Variants in ZNF804B observed in about 807,000 individuals in gnomAD.
ZNF804B encodes zinc finger protein 804B, also known as zinc finger 804B.
ZNF804B carries 80 observed loss-of-function variants against 101.4 expected under a neutral mutation model. The ratio of observed to expected loss-of-function variants is 0.79; its 90% CI spans 0.66 to 0.95. ZNF804B has a LOEUF of 0.95. Among genes scored for constraint, ZNF804B ranks in the 40% least tolerant of loss-of-function variants. The pLI, the probability that ZNF804B is intolerant of heterozygous loss-of-function variation, is 0.00. For synonymous variants in ZNF804B, 622 were observed against 558.8 expected, an observed-to-expected ratio of 1.11 and a Z score of -1.59; for missense variants, 1,673 against 1,561.9, an observed-to-expected ratio of 1.07 and a Z score of -1.20.
chr7:89,046,146 C>T (rs1296857578), intron 1 of ZNF804B, among the ~76,000 whole-genome samples: 1 of 151,608 alleles, frequency 6.6e-6, no homozygotes, highest in Non-Finnish European at 1.5e-5. Flanking sequence ...CTTCTCCTTC[C>T]TGCCATCATG....
intron 1 of ZNF804B, among the ~76,000 whole-genome samples, chr7:89,197,539 T>G (rs1028471450): frequency 1.8e-4 from 28 of 151,932 alleles, no homozygotes; most frequent in African/African-American, 6.8e-4. Context: ...TATAATATTT[T>G]GTATATACTA....
intron 1 of ZNF804B, among the ~76,000 whole-genome samples, chr7:88,825,793 C>A (rs1457511347): frequency 6.6e-6 from 1 of 152,144 alleles, no homozygotes; most frequent in Non-Finnish European, 1.5e-5. Context: ...TATGATGATG[C>A]TGCTCACTTA....
chr7:88,964,262 A>G (rs1584042416), intron 1 of ZNF804B, among the ~76,000 whole-genome samples: 1 of 151,616 alleles, frequency 6.6e-6, no homozygotes, highest in East Asian at 2.0e-4. Context: ...ACAATTGCCA[A>G]AAAGGTGGAA....
chr7:88,828,301 AC>A (rs1791077573), intron 1 of ZNF804B, among the ~76,000 whole-genome samples: 1 of 152,100 alleles, frequency 6.6e-6, no homozygotes, highest in South Asian at 2.1e-4. Context: ...TTTCTATCAC[AC>A]CAGAAATGTC....
At chr7:89,264,110 C>T (rs1789749074) in intron 2 of ZNF804B, among the ~76,000 whole-genome samples, 1 of 151,342 alleles carries the variant, frequency 6.6e-6, no homozygotes, top group African/African-American at 2.4e-5. Context: ...ACCATACCTA[C>T]CTTCCACATC....
intron 1 of ZNF804B, among the ~76,000 whole-genome samples, chr7:89,043,930 C>A (rs928945037): frequency 1.3e-5 from 2 of 152,004 alleles, no homozygotes; most frequent in African/African-American, 2.4e-5. Context: ...AAGAAAACAT[C>A]AAAAGAGTAC....
At chr7:88,930,825 C>T (rs1044738437) in intron 1 of ZNF804B, among the ~76,000 whole-genome samples, 17 of 151,762 alleles carry the variant, frequency 1.1e-4, no homozygotes, top group African/African-American at 3.4e-4. Flanking sequence ...ATCATGCAGG[C>T]GTTCCTTTAT....
At chr7:89,152,913 G>T (rs1782534118) in intron 1 of ZNF804B, among the ~76,000 whole-genome samples, 2 of 152,000 alleles carry the variant, frequency 1.3e-5, no homozygotes, top group Admixed American at 1.3e-4. Flanking sequence ...ATTGGCCTTT[G>T]CCCCTGCCAC....
At chr7:89,270,137 C>A (rs528451666) in intron 2 of ZNF804B, among the ~76,000 whole-genome samples, 1 of 152,268 alleles carries the variant, frequency 6.6e-6, no homozygotes, top group African/African-American at 2.4e-5. Context: ...GAAGTCCTTG[C>A]CCATGCCTAT....
chr7:88,966,302 G>A (rs1793453130), intron 1 of ZNF804B, among the ~76,000 whole-genome samples: 1 of 151,484 alleles, frequency 6.6e-6, no homozygotes, highest in Non-Finnish European at 1.5e-5. Context: ...TTTTTGGTGA[G>A]GTGTGGAAAG....
At chr7:88,936,177 T>C (rs1339989175) in intron 1 of ZNF804B, among the ~76,000 whole-genome samples, 1 of 151,940 alleles carries the variant, frequency 6.6e-6, no homozygotes, top group African/African-American at 2.4e-5. Flanking sequence ...GAAAGCACTT[T>C]AAGAATAAAA....
chr7:88,994,272 G>A (rs1346161681), intron 1 of ZNF804B, among the ~76,000 whole-genome samples: 1 of 151,824 alleles, frequency 6.6e-6, no homozygotes, highest in South Asian at 2.1e-4. Flanking sequence ...GGCACAGGTT[G>A]TTTATGTAAA....
chr7:88,761,119 A>C (rs1317922343), intron 1 of ZNF804B, among the ~76,000 whole-genome samples: 1 of 151,938 alleles, frequency 6.6e-6, no homozygotes, highest in Non-Finnish European at 1.5e-5. Flanking sequence ...CTTTAGCATG[A>C]ATTATTCAAA....
At chr7:88,933,521 A>G (rs1331466925) in intron 1 of ZNF804B, among the ~76,000 whole-genome samples, 1 of 151,994 alleles carries the variant, frequency 6.6e-6, no homozygotes, top group Non-Finnish European at 1.5e-5. Flanking sequence ...CAATGATATG[A>G]TTGTATACCT....
At chr7:89,023,572 GT>G (rs965129646) in intron 1 of ZNF804B, among the ~76,000 whole-genome samples, 8 of 152,002 alleles carry the variant, frequency 5.3e-5, no homozygotes, top group African/African-American at 1.9e-4. Flanking sequence ...TTTTACTAGA[GT>G]TTATTTATTT....
intron 1 of ZNF804B, among the ~76,000 whole-genome samples, chr7:88,893,162 T>C (rs1219440924): frequency 6.6e-6 from 1 of 152,138 alleles, no homozygotes; most frequent in Non-Finnish European, 1.5e-5. Flanking sequence ...ACCTCCAGGG[T>C]AAATGCCACT....
chr7:88,926,943 C>CCGGG (rs1554346833), intron 1 of ZNF804B, among the ~76,000 whole-genome samples: 3 of 144,452 alleles, frequency 2.1e-5, no homozygotes, highest in African/African-American at 8.0e-5. Flanking sequence ...TGGTGGGGAG[C>CCGGG]GGGGGGAAAG....
intron 1 of ZNF804B, among the ~76,000 whole-genome samples, chr7:88,820,800 C>A (rs1384870093): frequency 6.6e-6 from 1 of 152,110 alleles, no homozygotes; most frequent in Non-Finnish European, 1.5e-5. Context: ...GGGGTGCTGG[C>A]AGTGACGGTG....
chr7:88,897,274 GA>G (rs1792305179), intron 1 of ZNF804B, among the ~76,000 whole-genome samples: 1 of 152,152 alleles, frequency 6.6e-6, no homozygotes, highest in Admixed American at 6.5e-5. Flanking sequence ...GAGGGATGCA[GA>G]GGGAATGGGA....
Sources: allele counts gnomAD v4.1 joint callset (sites outside exome capture counted in the v4.1 genomes callset), GRCh38; gene constraint gnomAD v4.1.1; transcripts MANE v1.5; gene names NCBI Gene and HGNC (gene_info 2026-07-23, HGNC 2026-07-21).